The following COL9A3 variants were observed in gnomAD, a reference collection of about 807,000 sequenced individuals.
COL9A3 encodes the protein collagen type IX alpha 3 chain.
COL9A3 carries 82 observed loss-of-function variants against 110.2 expected under a neutral mutation model. The observed-to-expected ratio is 0.74, with a 90% CI of 0.62 to 0.89. COL9A3 has a LOEUF of 0.89. COL9A3 is among the 40% of genes least tolerant of loss of function. The pLI, the probability that COL9A3 is intolerant of heterozygous loss-of-function variation, is 0.00. For missense variants in COL9A3, 1,066 were observed against 981.3 expected, an observed-to-expected ratio of 1.09 and a Z score of -1.15; for synonymous variants, 494 against 403.8, an observed-to-expected ratio of 1.22 and a Z score of -2.68.
intron 17 of COL9A3, among the ~76,000 whole-genome samples, chr20:62,828,349 C>G (rs946600082): frequency 6.6e-6 from 1 of 152,230 alleles, no homozygotes; most frequent in Non-Finnish European, 1.5e-5. Flanking sequence ...CGTGTTGCCT[C>G]TGCCCCGGAG....
At position 62,819,279 on chromosome 20, in the gene COL9A3, C is replaced by G. The variant is rs759699511; in HGVS notation, c.241C>G (p.Leu81Val). 1.2e-6 allele frequency: 2 copies of G among 1,611,354 alleles called. No individual in the cohort carries two copies. The highest frequency in any genetic ancestry group is 2.2e-5 in the South Asian group (2 of 90,934). ...GKPGEAGLPGLPGVDGLTGRD... is the reference protein window; with the variant it reads ...GKPGEAGLPGVPGVDGLTGRD... Reference sequence around the variant, plus strand: ...ACCAGGAGAGGCTGGGCTGCCGGGACTGCCGGGTGTGGATGTGAGTGCGCC... The same window carrying G: ...ACCAGGAGAGGCTGGGCTGCCGGGAGTGCCGGGTGTGGATGTGAGTGCGCC... The change falls in exon 4 of 32, where the codon CTG becomes GTG. Residue 81 changes from leucine (L) to valine (V), a missense_variant. By Grantham distance (32) the Leu-to-Val change is conservative. Transcript: ENST00000649368.
chr20:62,822,241 C>T, intron 9 of COL9A3, 77 bp downstream of exon 9: 2 of 843,448 alleles, frequency 2.4e-6, no homozygotes, highest in East Asian at 2.4e-5. Context: ...CATTCCCCCT[C>T]CCCAGGCTCC....
At chr20:62,817,180 G>A in intron 1 of COL9A3, 38 bp downstream of exon 1, 1 of 1,331,880 alleles carries the variant, frequency 7.5e-7, no homozygotes, top group Non-Finnish European at 9.7e-7. Context: ...TGGACGTGGA[G>A]CCGCGACCGC....
intron 29 of COL9A3, 84 bp from the exon 30 acceptor site, chr20:62,836,999 C>G: frequency 6.6e-7 from 1 of 1,521,202 alleles, no homozygotes; most frequent in South Asian, 1.1e-5. Flanking sequence ...GAAGACAGCA[C>G]CGTGTAGATA....
chr20:62,823,900 C>T (rs866663885), intron 10 of COL9A3, among the ~76,000 whole-genome samples: 2 of 152,238 alleles, frequency 1.3e-5, no homozygotes, highest in Non-Finnish European at 2.9e-5. Flanking sequence ...TCCATGCAGC[C>T]CCTGCTGCAC....
chr20:62,826,238 T>G lies in COL9A3; in HGVS notation c.719T>G (p.Leu240Arg), dbSNP rs750130384. The G allele has an allele frequency of 6.4e-7, 1 of 1,557,286 alleles. No homozygotes were observed. The highest frequency in any genetic ancestry group is 1.9e-5 in the Admixed American group (1 of 52,270). Residue 240 changes from leucine (L) to arginine (R), a missense_variant, in exon 14 of 32, where the codon CTC (leucine) becomes CGC (arginine). Transcript: ENST00000649368. Reference protein sequence around the residue: ...PRGLRGLPGPLGPPGDRGPIG... With the variant: ...PRGLRGLPGPRGPPGDRGPIG... ...GGATTACGAGGACTGCCAGGGCCAC[T>G]CGGGCCCCCTGGGGACCGGGTAAGT... is the stretch of plus-strand genomic sequence containing the variant.
intron 11 of COL9A3, 95 bp from the exon 12 acceptor site, chr20:62,824,873 C>T (rs2063537956): frequency 1.5e-6 from 2 of 1,336,650 alleles, no homozygotes; most frequent in South Asian, 2.5e-5. Flanking sequence ...GTGGCGGGCC[C>T]TGGGCTGACT....
At chr20:62,833,600 T>A (rs1325796739) in intron 26 of COL9A3, among the ~76,000 whole-genome samples, 1 of 151,864 alleles carries the variant, frequency 6.6e-6, no homozygotes, top group Non-Finnish European at 1.5e-5. Flanking sequence ...AGACGGGGTT[T>A]CACCGTGTTA....
chr20:62,825,089 GGC>G (rs1568753341), intron 12 of COL9A3, 68 bp downstream of exon 12: 34 of 857,392 alleles, frequency 4.0e-5, no homozygotes, highest in Middle Eastern at 3.6e-4. Flanking sequence ...GGGAGGGAGG[GGC>G]TGGGCTCCGG....
intron 1 of COL9A3, 83 bp downstream of exon 1, chr20:62,817,225 C>G (rs1271536279): frequency 9.4e-7 from 1 of 1,061,234 alleles, no homozygotes; most frequent in Non-Finnish European, 1.2e-6. Context: ...GGGTGCCCGG[C>G]GCAGCCTCGA....
At position 62,821,197 on chromosome 20, in the gene COL9A3, C is replaced by T. The variant is rs367778234; in HGVS notation, c.326C>T (p.Pro109Leu). 1.7e-4 allele frequency: 270 copies of T among 1,613,120 alleles called. No homozygotes were observed. The highest frequency in any genetic ancestry group is 2.2e-4 in the Non-Finnish European group (265 of 1,179,804). ...CTCCCACAGGGAAGTCTGGGACCCCCGGGGCCGCCCGGGCTGGGGGTGAGT... is the reference window on the plus strand; with the variant it reads ...CTCCCACAGGGAAGTCTGGGACCCCTGGGGCCGCCCGGGCTGGGGGTGAGT... Reference protein sequence around the residue: ...APGERGSLGPPGPPGLGGKGL... With the variant: ...APGERGSLGPLGPPGLGGKGL... Residue 109 changes from proline to leucine, a missense_variant, in exon 6 of 32, where the codon CCG becomes CTG. Transcript: ENST00000649368.
At chr20:62,822,298 C>T (rs1453231935) in intron 9 of COL9A3, 134 bp downstream of exon 9, 1 of 738,388 alleles carries the variant, frequency 1.4e-6, no homozygotes, top group East Asian at 2.6e-5. Context: ...CTCCCAGGAA[C>T]AGTCAATGGT....
At chr20:62,825,303 C>T (rs1332816645) in intron 12 of COL9A3, among the ~76,000 whole-genome samples, 4 of 152,160 alleles carry the variant, frequency 2.6e-5, no homozygotes, top group African/African-American at 9.7e-5. Flanking sequence ...GGCAGGGTCC[C>T]TGGACAGACC....
chr20:62,832,717 C>T (rs2063605956), intron 25 of COL9A3: 3 of 349,390 alleles, frequency 8.6e-6, no homozygotes, highest in Non-Finnish European at 1.6e-5. Flanking sequence ...CACTTCTAGG[C>T]ACAAGGCCTT....
chr20:62,821,900 CT>C, intron 8 of COL9A3, 90 bp downstream of exon 8: 2 of 818,300 alleles, frequency 2.4e-6, no homozygotes, highest in Admixed American at 2.0e-5. Flanking sequence ...TCCCCTCTCC[CT>C]TTTCCCTTTC....
chr20:62,824,844 C>T (rs1021154911), intron 11 of COL9A3, 124 bp from the exon 12 acceptor site: 5 of 1,050,490 alleles, frequency 4.8e-6, no homozygotes, highest in African/African-American at 4.7e-5. Flanking sequence ...CCCAGACCCG[C>T]GGTCCTGTGC....
intron 25 of COL9A3, among the ~76,000 whole-genome samples, 176 bp downstream of exon 25, chr20:62,832,365 A>G (rs577129678): frequency 6.8e-4 from 104 of 152,296 alleles, no homozygotes; most frequent in Admixed American, 1.9e-3. Flanking sequence ...TGCTTAGCAC[A>G]GCGAAAGCAG....
In COL9A3 at chr20:62,833,148, T is replaced by G. The variant is rs967631883; in HGVS notation, c.1368+84T>G. 1.4e-5 allele frequency: 16 copies of G among 1,127,584 alleles called. No individual in the cohort carries two copies. In the African/African-American group the frequency reaches 2.3e-4, roughly 16 times the overall value. The allele number at this position is 1,127,584 out of a possible 1,614,324, so 69.8% of individuals were successfully genotyped here. Reference sequence around the variant, plus strand: ...CTGGGGAACAGTCCTGGGGACAGGGTCAAAATCTGCAGCTCCCGGTGGAAG... The same window carrying G: ...CTGGGGAACAGTCCTGGGGACAGGGGCAAAATCTGCAGCTCCCGGTGGAAG... On this transcript the variant is annotated intron_variant, in intron 26 of 31. Transcript: ENST00000649368.
chr20:62,826,938 C>CAGGG, intron 15 of COL9A3, 118 bp downstream of exon 15: 3 of 1,140,594 alleles, frequency 2.6e-6, no homozygotes, highest in Non-Finnish European at 3.8e-6. Context: ...GAGCTGTTCC[C>CAGGG]TGGACACCCT....
Sources: allele counts gnomAD v4.1 joint callset (sites outside exome capture counted in the v4.1 genomes callset), GRCh38; gene constraint gnomAD v4.1.1; transcripts MANE v1.5; gene names NCBI Gene and HGNC (gene_info 2026-07-23, HGNC 2026-07-21).